ALDH4A1: variants seen among roughly 807,000 people sequenced by gnomAD.
ALDH4A1 encodes aldehyde dehydrogenase 4 family member A1.
In ALDH4A1, 46 loss-of-function variants were observed where a neutral mutation model predicts 70.5. The observed-to-expected ratio is 0.65, with a 90% CI of 0.51 to 0.83. ALDH4A1 has a LOEUF of 0.83. ALDH4A1 is among the 40% of genes least tolerant of loss of function. The pLI is 0.00. For missense variants in ALDH4A1, 749 were observed against 766.5 expected (o/e 0.98, Z 0.27); for synonymous variants, 323 against 324.3 (o/e 1.00, Z 0.04).
intron 1 of ALDH4A1, 146 bp from the exon 2 acceptor site, chr1:18,890,251 C>G (rs1935385200): frequency 5.8e-6 from 4 of 686,598 alleles, no homozygotes; most frequent in Non-Finnish European, 1.0e-5. Context: ...GGGTCAAAAC[C>G]CCACCTTGGG....
At chr1:18,901,867 A>G (rs1173826042) in intron 1 of ALDH4A1, among the ~76,000 whole-genome samples, 1 of 149,560 alleles carries the variant, frequency 6.7e-6, no homozygotes, top group Non-Finnish European at 1.5e-5. Flanking sequence ...TAAGCACTCT[A>G]TAAATATGAT....
intron 1 of ALDH4A1, chr1:18,890,587 C>T (rs569046018): frequency 3.8e-5 from 28 of 742,370 alleles, no homozygotes; most frequent in Non-Finnish European, 3.6e-5. Flanking sequence ...GTCCACAACC[C>T]AAGGTTCAAG....
At chr1:18,896,721 C>T (rs536583585) in intron 1 of ALDH4A1, among the ~76,000 whole-genome samples, 6 of 152,022 alleles carry the variant, frequency 3.9e-5, no homozygotes, top group African/African-American at 9.6e-5. Context: ...GGTGAAACCC[C>T]GTCTCTACTA....
chr1:18,872,877 G>A lies in ALDH4A1; in HGVS notation c.1660C>T (p.Leu554=), dbSNP rs1427635510. 1 of 1,614,052 alleles carries A rather than the reference G, an allele frequency of 6.2e-7. No homozygotes were observed. The highest frequency in any genetic ancestry group is 1.7e-5 in the Admixed American group (1 of 60,018). ...PQVIKETHKP[L]GDWSYAYMQ ...ATGTACGCGTAGCTCCAGTCCCCCA[G>A]GGGCTTATGTGTCTCCTTGATGACC... The change falls in exon 15 of 15, where the codon CTG becomes TTG. Residue 554 remains leucine (L), a synonymous_variant. Transcript: ENST00000375341.
At chr1:18,877,183 G>A (rs533522724) in intron 11 of ALDH4A1, 25 bp downstream of exon 11, 2 of 1,604,226 alleles carry the variant, frequency 1.2e-6, no homozygotes, top group East Asian at 2.3e-5. Context: ...CCCCCACCCA[G>A]GAACGCCCAC....
intron 1 of ALDH4A1, among the ~76,000 whole-genome samples, chr1:18,891,353 G>A (rs1935424668): frequency 6.6e-6 from 1 of 152,194 alleles, no homozygotes; most frequent in African/African-American, 2.4e-5. Flanking sequence ...GTCCTAAAAG[G>A]AAAATGACTA....
rs1186022102 is a variant in ALDH4A1 at position 18,880,310 on chromosome 1, G to A, written c.867-937C>T. On this transcript the variant is annotated intron_variant, in intron 8 of 14. Coordinates refer to ENST00000375341, the MANE Select transcript of ALDH4A1 (RefSeq NM_003748.4). This position sits in a 1 kb window ranked among gnomAD's most constrained non-coding sequence, Gnocchi z 5.1. ...ATAACACCCGAAGTGACCAACAGGA[G>A]ATTCATCTTCCCCCGAGCCCGCTCG... is the stretch of plus-strand genomic sequence containing the variant. 6.6e-6 allele frequency among the ~76,000 whole-genome samples: 1 copy of A among 152,098 alleles called. No individual in the cohort carries two copies. Among genetic ancestry groups the A allele is most frequent in the Admixed American group, 6.5e-5 (1 of 15,272 alleles).
chr1:18,875,381 C>G lies in ALDH4A1; in HGVS notation c.1460+1G>C. 4 of 1,614,174 alleles carry G rather than the reference C, an allele frequency of 2.5e-6. No individual in the cohort carries two copies. Among genetic ancestry groups the G allele is most frequent in the African/African-American group, 2.7e-5 (2 of 75,058 alleles). The stretch of plus-strand genomic sequence containing the variant: ...ACCAGGGCTGCGGCCTGGCCACTCA[C>G]TTATCCTGGGAGAACACTGCCCCCG... On this transcript the variant is annotated splice_donor_variant, in intron 13 of 14. Transcript: ENST00000375341. LOFTEE classifies it high-confidence loss of function.
At chr1:18,902,236 C>CCGGA (rs1218319200) in intron 1 of ALDH4A1, among the ~76,000 whole-genome samples, 3 of 152,024 alleles carry the variant, frequency 2.0e-5, no homozygotes, top group African/African-American at 7.2e-5. Context: ...GAAGAGGGGT[C>CCGGA]CCCTCGCTAA....
At chr1:18,901,343 G>A (rs28498083) in intron 1 of ALDH4A1, among the ~76,000 whole-genome samples, 2 of 152,228 alleles carry the variant, frequency 1.3e-5, no homozygotes, top group African/African-American at 2.4e-5. Flanking sequence ...CTTGGGGGAA[G>A]GGAGAGGGCC....
At chr1:18,890,169 GC>G in intron 1 of ALDH4A1, 64 bp from the exon 2 acceptor site, 1 of 1,380,682 alleles carries the variant, frequency 7.2e-7, no homozygotes, top group East Asian at 2.4e-5. Flanking sequence ...CCAGACCCCA[GC>G]CCCTCTACCT....
chr1:18,899,734 T>C (rs1935738014), intron 1 of ALDH4A1, among the ~76,000 whole-genome samples: 1 of 152,164 alleles, frequency 6.6e-6, no homozygotes, highest in African/African-American at 2.4e-5. Flanking sequence ...GAAAAGTAAA[T>C]GGCAGTCATT....
chr1:18,882,649 CAG>C, intron 7 of ALDH4A1: 1 of 541,134 alleles, frequency 1.8e-6, no homozygotes, highest in South Asian at 1.4e-5. Flanking sequence ...GGCAAAGAGG[CAG>C]AGTCACAACT....
intron 11 of ALDH4A1, among the ~76,000 whole-genome samples, chr1:18,876,721 C>T (rs760531031): frequency 3.9e-4 from 50 of 127,148 alleles, no homozygotes; most frequent in Non-Finnish European, 7.1e-4. Context: ...CAGGTGCACT[C>T]GCATATAAAC....
chr1:18,885,448 C>A, intron 5 of ALDH4A1, 25 bp downstream of exon 5: 1 of 1,240,854 alleles, frequency 8.1e-7, no homozygotes, highest in South Asian at 1.3e-5. Flanking sequence ...CCCGCCCCAC[C>A]CACCCGGGCC....
chr1:18,885,812 G>T (rs1935179558), intron 4 of ALDH4A1, among the ~76,000 whole-genome samples, 184 bp from the exon 5 acceptor site: 1 of 152,202 alleles, frequency 6.6e-6, no homozygotes, highest in African/African-American at 2.4e-5. Context: ...GCCTGTAGTG[G>T]CTGCCAGTCT....
chr1:18,876,492 G>T (rs1409766483), intron 11 of ALDH4A1, 25 bp from the exon 12 acceptor site: 11 of 1,562,046 alleles, frequency 7.0e-6, no homozygotes, highest in Admixed American at 3.7e-5. Flanking sequence ...GAGGAGGGAG[G>T]TCTAAGAGGC....
chr1:18,889,128 C>T (rs969742350), intron 3 of ALDH4A1, among the ~76,000 whole-genome samples: 1 of 152,212 alleles, frequency 6.6e-6, no homozygotes, highest in Non-Finnish European at 1.5e-5. Context: ...CTGTGTGGCC[C>T]CCTCATGGCC....
At chr1:18,885,069 G>C (rs1263364640) in intron 5 of ALDH4A1, among the ~76,000 whole-genome samples, 4 of 152,238 alleles carry the variant, frequency 2.6e-5, no homozygotes, top group African/African-American at 9.6e-5. Flanking sequence ...GCCTCTCAGT[G>C]GTGGAGAGGT....
Sources: allele counts gnomAD v4.1 joint callset (sites outside exome capture counted in the v4.1 genomes callset), GRCh38; gene constraint gnomAD v4.1.1; non-coding constraint Gnocchi (gnomAD v3.1); transcripts MANE v1.5; gene names NCBI Gene and HGNC (gene_info 2026-07-23, HGNC 2026-07-21).